Variants in DIP2A observed in about 807,000 individuals in gnomAD.
DIP2A encodes disco-interacting protein 2 homolog A.
A neutral mutation model predicts 177.4 loss-of-function variants in DIP2A; 85 were observed. The ratio of observed to expected loss-of-function variants is 0.48; its 90% CI spans 0.40 to 0.57. The LOEUF is 0.57. Among genes scored for constraint, DIP2A ranks in the 20% least tolerant of loss-of-function variants. The pLI is 0.00. For missense variants in DIP2A, 1,791 were observed against 2,100.2 expected (o/e 0.85, Z 2.88); for synonymous variants, 886 against 881.8 (o/e 1.00, Z -0.08).
Position 46,561,433 on chromosome 21 carries a change from C to T in DIP2A, c.4032-315C>T, listed in dbSNP as rs185279028. On this transcript the variant is annotated intron_variant, in intron 33 of 37. Coordinates refer to ENST00000417564, the MANE Select transcript of DIP2A (RefSeq NM_015151.4). ...ATTCTCAAGTATGGCCACACTGTAG[C>T]TTGATGTAAACACTAGGTTTAGCTT... is the stretch of plus-strand genomic sequence containing the variant. The T allele has an allele frequency of 1.2e-5, 5 of 409,766 alleles. No individual in the cohort carries two copies. The East Asian group carries it at 1.7e-4, about 14-fold the overall frequency. The allele number at this position is 409,766 out of a possible 1,614,324, so 25.4% of individuals were successfully genotyped here.
intron 4 of DIP2A, among the ~76,000 whole-genome samples, chr21:46,497,668 A>G (rs919988707): frequency 2.0e-5 from 3 of 152,222 alleles, no homozygotes; most frequent in African/African-American, 4.8e-5. Flanking sequence ...ATAGTGTCTA[A>G]TGACTTCACA....
chr21:46,539,417 C>T, intron 16 of DIP2A: 1 of 230,592 alleles, frequency 4.3e-6, no homozygotes, highest in Non-Finnish European at 8.7e-6. Context: ...TGGTCCACAC[C>T]TGAGCCAGGC....
At chr21:46,539,832 G>GCCC in intron 16 of DIP2A, 45 bp from the exon 17 acceptor site, 2 of 1,489,322 alleles carry the variant, frequency 1.3e-6, no homozygotes, top group Non-Finnish European at 1.9e-6. Flanking sequence ...TTCCCTGCTG[G>GCCC]CCCCCCAGTT....
At chr21:46,521,916 C>G (rs1190806563) in intron 8 of DIP2A, among the ~76,000 whole-genome samples, 3 of 150,374 alleles carry the variant, frequency 2.0e-5, no homozygotes, top group African/African-American at 7.4e-5. Context: ...TTCTTACAAT[C>G]TTTTTACCAA....
chr21:46,551,410 C>T (rs2060267350), intron 23 of DIP2A, among the ~76,000 whole-genome samples: 2 of 152,112 alleles, frequency 1.3e-5, no homozygotes, highest in East Asian at 1.9e-4. Flanking sequence ...TGAGATGCGT[C>T]GTGTAGTAAA....
chr21:46,515,284 G>A (rs2058519619), intron 8 of DIP2A, among the ~76,000 whole-genome samples: 1 of 152,176 alleles, frequency 6.6e-6, no homozygotes, highest in Non-Finnish European at 1.5e-5. Context: ...AACAGCATTG[G>A]GCTTGTGGAG....
chr21:46,506,562 A>G (rs1456867218), intron 6 of DIP2A, among the ~76,000 whole-genome samples: 1 of 152,102 alleles, frequency 6.6e-6, no homozygotes, highest in Non-Finnish European at 1.5e-5. Context: ...AGCCATCCCA[A>G]TAGGCATGTA....
chr21:46,458,951 C>A lies in DIP2A; in HGVS notation c.-181C>A, dbSNP rs1304051717. On this transcript the variant is annotated 5_prime_UTR_variant, in exon 1 of 38. Transcript: ENST00000417564. ...GCAGCGGCGGCGCGGCGGAGCCATC[C>A]GCGCTCGTGCCCGCGCGGGTGCGTT... 2 of 381,624 alleles carry A rather than the reference C, an allele frequency of 5.2e-6. No individual in the cohort carries two copies. The highest frequency in any genetic ancestry group is 2.2e-4 in the South Asian group (2 of 8,892). 23.6% of individuals were successfully genotyped at this position (381,624 alleles called of 1,614,324 possible). A position where few individuals can be genotyped will look rare whatever the true frequency, so the allele number is the denominator to read the frequency against.
rs1158910021 is a variant in DIP2A, at chr21:46,516,488, C to CTTTTT, written c.1102+4891_1102+4895dup. On this transcript the variant is annotated intron_variant, in intron 8 of 37. Coordinates refer to ENST00000417564, the MANE Select transcript of DIP2A (RefSeq NM_015151.4). ...TCTTTAATCTTGTCTTCTGAAATTT[C>CTTTTT]TTTTTTTTTTTTTTTTTTTTTGAGA... 1.3e-3 allele frequency among the ~76,000 whole-genome samples: 98 copies of CTTTTT among 76,368 alleles called. 12 individuals are homozygous for CTTTTT. The highest frequency in any genetic ancestry group is 1.4e-3 in the Non-Finnish European group (52 of 36,602). 50.1% of individuals were successfully genotyped at this position (76,368 alleles called of 152,430 possible).
chr21:46,492,794 A>G (rs1318560675), intron 3 of DIP2A, among the ~76,000 whole-genome samples: 1 of 152,324 alleles, frequency 6.6e-6, no homozygotes, highest in Middle Eastern at 3.4e-3. Context: ...TACAAAAATT[A>G]GTCAGGTGTG....
At chr21:46,459,371 C>A in intron 1 of DIP2A, 149 bp downstream of exon 1, 1 of 597,502 alleles carries the variant, frequency 1.7e-6, no homozygotes, top group Non-Finnish European at 2.7e-6. Flanking sequence ...CCCCTGGGAC[C>A]TCTGCCCCTC....
the DIP2A span, among the ~76,000 whole-genome samples, chr21:46,583,353 C>G: frequency 6.6e-6 from 1 of 152,110 alleles, no homozygotes; most frequent in Non-Finnish European, 1.5e-5. Context: ...TTATAAACAA[C>G]TAGACCTAAC....
At chr21:46,487,032 GAGTCC>G (rs1363811554) in intron 2 of DIP2A, among the ~76,000 whole-genome samples, 1 of 152,114 alleles carries the variant, frequency 6.6e-6, no homozygotes, top group African/African-American at 2.4e-5. Context: ...CTGGTGTAGT[GAGTCC>G]AGAAAGAGAA....
At chr21:46,459,278 GCAGCCCCT>G in intron 1 of DIP2A, 56 bp downstream of exon 1, 2 of 1,392,880 alleles carry the variant, frequency 1.4e-6, no homozygotes, top group Non-Finnish European at 1.9e-6. Context: ...GGTCCCCCGC[GCAGCCCCT>G]CACTCCGGGA....
downstream of DIP2A, among the ~76,000 whole-genome samples, chr21:46,572,105 C>T (rs1802653080): frequency 6.6e-6 from 1 of 151,912 alleles, no homozygotes; most frequent in Non-Finnish European, 1.5e-5. Context: ...CAGGTTTTAG[C>T]TTTTAATAAT....
rs565670027 is a variant in DIP2A, at chr21:46,567,685, G to C, written c.*63G>C. ...CCCCAGCAGTCCAAGGTGTGATGTG[G>C]GAAGACACCGCAGAGCTCACTCACC... is the stretch of plus-strand genomic sequence containing the variant. On this transcript the variant is annotated 3_prime_UTR_variant, in exon 38 of 38. Coordinates refer to ENST00000417564, the MANE Select transcript of DIP2A (RefSeq NM_015151.4). 3.4e-5 allele frequency: 52 copies of C among 1,528,818 alleles called. No homozygotes were observed. In the Admixed American group the frequency reaches 1.0e-3, roughly 30 times the overall value. The allele number at this position is 1,528,818 out of a possible 1,614,324, so 94.7% of individuals were successfully genotyped here. A position where few individuals can be genotyped will look rare whatever the true frequency, so the allele number is the denominator to read the frequency against.
intron 8 of DIP2A, among the ~76,000 whole-genome samples, chr21:46,515,031 G>T (rs984010408): frequency 8.5e-5 from 13 of 152,174 alleles, no homozygotes; most frequent in Admixed American, 6.5e-4. Flanking sequence ...TATACACCCA[G>T]ATTTAATTTG....
chr21:46,470,695 T>C (rs2055286278), intron 1 of DIP2A, among the ~76,000 whole-genome samples: 1 of 149,930 alleles, frequency 6.7e-6, no homozygotes, highest in African/African-American at 2.5e-5. Context: ...TGCTTGAACC[T>C]GGGAAATGGA....
rs1045923390 is a variant in DIP2A at position 46,554,948 on chromosome 21, A to G, written c.3388+15A>G. 1.4e-5 allele frequency: 22 copies of G among 1,548,044 alleles called. No homozygotes were observed. Among genetic ancestry groups the G allele is most frequent in the East Asian group, 7.3e-5 (3 of 40,898 alleles). On this transcript the variant is annotated intron_variant, in intron 28 of 37. Coordinates refer to ENST00000417564, the MANE Select transcript of DIP2A (RefSeq NM_015151.4). ...CCTAGACACAGGTGCGTGTCCTCGC[A>G]CTGCCCAGGACCAGTCCCTTTTCCT...
Sources: allele counts gnomAD v4.1 joint callset (sites outside exome capture counted in the v4.1 genomes callset), GRCh38; gene constraint gnomAD v4.1.1; transcripts MANE v1.5; gene names NCBI Gene and HGNC (gene_info 2026-07-23, HGNC 2026-07-21).